Variants in PRDM9 observed in about 807,000 individuals in gnomAD.
PRDM9 encodes the protein PR/SET domain 9.
PRDM9 carries 47 observed loss-of-function variants against 55.6 expected under a neutral mutation model. That is an observed-to-expected ratio of 0.85 (90% CI 0.67 to 1.08). The LOEUF (loss-of-function observed/expected upper bound fraction) is 1.08. Ranked by LOEUF, PRDM9 falls within the 50% of genes least tolerant of loss-of-function variation. The probability of loss-of-function intolerance (pLI) is 0.00; values close to 1 mark genes in which losing one functional copy is unlikely to be tolerated. For missense variants in PRDM9, 867 were observed against 1,040.3 expected (o/e 0.83, Z 2.29); for synonymous variants, 312 against 375.7 (o/e 0.83, Z 1.96).
At position 23,523,287 on chromosome 5, in the gene PRDM9, TCA is replaced by T; in HGVS notation, c.883-3_883-2del. 3 of 1,613,420 alleles carry T rather than the reference TCA, an allele frequency of 1.9e-6. No individual in the cohort carries two copies. Among genetic ancestry groups the T allele is most frequent in the Non-Finnish European group, 1.7e-6 (2 of 1,179,348 alleles). On this transcript the variant is annotated splice_acceptor_variant and splice_polypyrimidine_tract_variant and intron_variant, in intron 8 of 10. Transcript: ENST00000296682. LOFTEE classifies it high-confidence loss of function. ...AGCCTTTGCCTTGTTTTTCTGAAAC[TCA>T]GATCACCAAGGGGAGAAACTGCTAT...
chr5:23,515,389 T>C (rs1387431802), intron 4 of PRDM9, among the ~76,000 whole-genome samples: 1 of 152,210 alleles, frequency 6.6e-6, no homozygotes, highest in Non-Finnish European at 1.5e-5. Context: ...ACTATAGTCA[T>C]GTGCCACTGC....
intron 8 of PRDM9, 27 bp from the exon 9 acceptor site, chr5:23,523,264 C>G (rs769186196): frequency 6.2e-7 from 1 of 1,603,556 alleles, no homozygotes; most frequent in Non-Finnish European, 8.5e-7. Context: ...CTCTAAAAAG[C>G]CTTTGCCTTG....
chr5:23,508,778 G>T (rs1225005576), intron 1 of PRDM9, among the ~76,000 whole-genome samples, 172 bp from the exon 2 acceptor site: 2 of 152,158 alleles, frequency 1.3e-5, no homozygotes, highest in African/African-American at 4.8e-5. Context: ...CTCATGGCCA[G>T]TGGAGGCCTT....
chr5:23,519,208 C>A (rs549551015), intron 5 of PRDM9, among the ~76,000 whole-genome samples: 6 of 152,130 alleles, frequency 3.9e-5, no homozygotes, highest in Non-Finnish European at 8.8e-5. Flanking sequence ...CATAGGCATG[C>A]ACCACCATGC....
intron 4 of PRDM9, among the ~76,000 whole-genome samples, chr5:23,512,224 A>T (rs1189843320): frequency 6.6e-6 from 1 of 152,180 alleles, no homozygotes; most frequent in Non-Finnish European, 1.5e-5. Context: ...AGCGGGTTTG[A>T]GAGAGCTGTT....
intron 5 of PRDM9, 125 bp downstream of exon 5, chr5:23,518,055 G>A: frequency 1.2e-6 from 1 of 845,750 alleles, no homozygotes; most frequent in Non-Finnish European, 2.0e-6. Flanking sequence ...CTTTAGCACA[G>A]TGTCTGACAT....
At chr5:23,508,351 C>T (rs1739024247) in intron 1 of PRDM9, among the ~76,000 whole-genome samples, 3 of 152,126 alleles carry the variant, frequency 2.0e-5, no homozygotes, top group Middle Eastern at 6.8e-3. Context: ...CTCCTCAGCT[C>T]GAGATACCCC....
chr5:23,515,759 T>G (rs1739197978), intron 4 of PRDM9, among the ~76,000 whole-genome samples: 1 of 152,228 alleles, frequency 6.6e-6, no homozygotes, highest in Non-Finnish European at 1.5e-5. Context: ...CACCATTTCT[T>G]GCAGACTGTC....
rs1393569982 is a variant in PRDM9 at position 23,517,772 on chromosome 5, G to A, written c.302-109G>A. The stretch of plus-strand genomic sequence containing the variant: ...ACTGCACTCCAGCCTGGGCGACAGA[G>A]GGAGACTCCGTCTCAAAAATAAAAA... On this transcript the variant is annotated intron_variant, in intron 4 of 10. Coordinates refer to ENST00000296682, the MANE Select transcript of PRDM9 (RefSeq NM_020227.4). 9 of 1,112,196 alleles carry A rather than the reference G, an allele frequency of 8.1e-6. No homozygotes were observed. The Admixed American group carries it at 1.4e-4, about 17-fold the overall frequency. The allele number at this position is 1,112,196 out of a possible 1,614,324, so 68.9% of individuals were successfully genotyped here.
chr5:23,518,153 C>T (rs1335444216), intron 5 of PRDM9, among the ~76,000 whole-genome samples: 3 of 152,154 alleles, frequency 2.0e-5, no homozygotes, highest in African/African-American at 7.2e-5. Flanking sequence ...CTATTTTAAG[C>T]ATTTTACATG....
intron 6 of PRDM9, among the ~76,000 whole-genome samples, chr5:23,521,706 A>G (rs1739331291): frequency 1.3e-5 from 2 of 152,228 alleles, no homozygotes; most frequent in African/African-American, 4.8e-5. Flanking sequence ...TATAATCTAC[A>G]TAGAAGCACT....
chr5:23,511,157 T>A (rs538287293), intron 4 of PRDM9, among the ~76,000 whole-genome samples: 12 of 151,780 alleles, frequency 7.9e-5, no homozygotes, highest in South Asian at 4.2e-4. Flanking sequence ...AGACTCCGTC[T>A]CAGGGCGGGA....
At chr5:23,510,301 T>C (rs1048496400) in intron 4 of PRDM9, among the ~76,000 whole-genome samples, 3 of 151,974 alleles carry the variant, frequency 2.0e-5, no homozygotes, top group African/African-American at 7.3e-5. Flanking sequence ...CCTCAGGTGA[T>C]CTACCCATCT....
chr5:23,528,061 T>C lies in PRDM9; in HGVS notation c.*288T>C. ...TTTTTGTTTGTTTTTTTGCCTCCTG[T>C]TCTAATAAATTTTGTCTCCATACAA... is the stretch of plus-strand genomic sequence containing the variant. On this transcript the variant is annotated 3_prime_UTR_variant, in exon 11 of 11. Coordinates refer to ENST00000296682, the MANE Select transcript of PRDM9 (RefSeq NM_020227.4). 1 of 516,818 alleles carries C rather than the reference T, an allele frequency of 1.9e-6. No individual in the cohort carries two copies. The highest frequency in any genetic ancestry group is 3.5e-6 in the Non-Finnish European group (1 of 288,184). The allele number at this position is 516,818 out of a possible 1,614,324, so 32.0% of individuals were successfully genotyped here. A position where few individuals can be genotyped will look rare whatever the true frequency, so the allele number is the denominator to read the frequency against.
chr5:23,509,192 T>C (rs1362692550), intron 2 of PRDM9, 90 bp downstream of exon 2: 12 of 1,538,860 alleles, frequency 7.8e-6, no homozygotes, highest in Non-Finnish European at 9.8e-6. Flanking sequence ...TGGGGGACCC[T>C]ATCTGAATGT....
chr5:23,520,047 A>C (rs1234599482), intron 5 of PRDM9, among the ~76,000 whole-genome samples: 1 of 11,108 alleles, frequency 9.0e-5, no homozygotes, highest in Admixed American at 1.4e-3. Context: ...CCCTCTCAAA[A>C]AAATAAAAAA....
intron 4 of PRDM9, among the ~76,000 whole-genome samples, chr5:23,512,599 C>G (rs1739120185): frequency 6.6e-6 from 1 of 152,058 alleles, no homozygotes; most frequent in African/African-American, 2.4e-5. Context: ...CAGTTAAAAT[C>G]CCTAATTTAA....
In PRDM9 at chr5:23,527,893, C is replaced by T. The variant is rs1290997085; in HGVS notation, c.*120C>T. 1 of 1,249,166 alleles carries T rather than the reference C, an allele frequency of 8.0e-7. No individual in the cohort carries two copies. The highest frequency in any genetic ancestry group is 1.1e-6 in the Non-Finnish European group (1 of 870,786). 77.4% of individuals were successfully genotyped at this position (1,249,166 alleles called of 1,614,324 possible). A position where few individuals can be genotyped will look rare whatever the true frequency, so the allele number is the denominator to read the frequency against. ...AAGTCTGCTGACCCCTTATATTCCCCGAGAGTATAAAGAGATCGGAAATAA... is the reference window on the plus strand; with the variant it reads ...AAGTCTGCTGACCCCTTATATTCCCTGAGAGTATAAAGAGATCGGAAATAA... On this transcript the variant is annotated 3_prime_UTR_variant, in exon 11 of 11. Transcript: ENST00000296682.
rs201296788 is a variant in PRDM9 at position 23,509,088 on chromosome 5, G to A, written c.55G>A (p.Glu19Lys). Residue 19 changes from glutamate (E) to lysine (K), a missense_variant, in exon 2 of 11, where the codon GAG (glutamate) becomes AAG (lysine). Transcript: ENST00000296682. ...ESPEEDTERT[E>K]RKPMVKDAFK... ...CCCAGAAGAAGACACAGAGAGAACAGAGCGGAAGCCCATGGTGAGAAGTGG... is the reference window on the plus strand; with the variant it reads ...CCCAGAAGAAGACACAGAGAGAACAAAGCGGAAGCCCATGGTGAGAAGTGG... 116 of 1,614,140 alleles carry A rather than the reference G, an allele frequency of 7.2e-5. No individual in the cohort carries two copies. In the African/African-American group the frequency reaches 1.5e-3, roughly 20 times the overall value.
Sources: allele counts gnomAD v4.1 joint callset (sites outside exome capture counted in the v4.1 genomes callset), GRCh38; gene constraint gnomAD v4.1.1; transcripts MANE v1.5; gene names NCBI Gene and HGNC (gene_info 2026-07-23, HGNC 2026-07-21).